The following SHC3 variants were observed in gnomAD, a reference collection of about 807,000 sequenced individuals.
SHC3 encodes the protein SHC adaptor protein 3, also known as SHC-transforming protein 3.
A neutral mutation model predicts 60.4 loss-of-function variants in SHC3; 15 were observed. The ratio of observed to expected loss-of-function variants is 0.25; its 90% CI spans 0.17 to 0.38. The LOEUF is 0.38. Ranked by LOEUF, SHC3 falls within the 10% of genes least tolerant of loss-of-function variation. The pLI is 1.00. For synonymous variants in SHC3, 294 were observed against 325.9 expected (o/e 0.90, Z 1.05); for missense variants, 677 against 786.1 (o/e 0.86, Z 1.66).
At chr9:89,042,746 A>C (rs1472716151) in intron 9 of SHC3, among the ~76,000 whole-genome samples, 2 of 152,152 alleles carry the variant, frequency 1.3e-5, no homozygotes, top group African/African-American at 4.8e-5. Flanking sequence ...TGGGTGTGCA[A>C]GTGAAGAGCC....
At chr9:89,109,526 G>T (rs1314667184) in intron 2 of SHC3, 1 of 985,390 alleles carries the variant, frequency 1.0e-6, no homozygotes, top group Non-Finnish European at 1.2e-6. Flanking sequence ...TTGGAAGCCA[G>T]AAGTGACCTG....
At chr9:89,146,766 A>G (rs1163937619) in intron 1 of SHC3, among the ~76,000 whole-genome samples, 1 of 152,204 alleles carries the variant, frequency 6.6e-6, no homozygotes, top group African/African-American at 2.4e-5. Flanking sequence ...AAAAATACAC[A>G]TGAATGGTAA....
At chr9:89,048,418 G>A (rs1403858322) in intron 7 of SHC3, among the ~76,000 whole-genome samples, 1 of 152,166 alleles carries the variant, frequency 6.6e-6, no homozygotes, top group Non-Finnish European at 1.5e-5. Flanking sequence ...AAAGAAGCCA[G>A]ATACATACAG....
At chr9:89,156,440 C>G (rs1564186331) in intron 1 of SHC3, among the ~76,000 whole-genome samples, 2 of 152,102 alleles carry the variant, frequency 1.3e-5, no homozygotes, top group African/African-American at 4.8e-5. Flanking sequence ...TAAAACAGAG[C>G]AGGAACCCCT....
chr9:89,099,110 C>T (rs78889466), intron 2 of SHC3, among the ~76,000 whole-genome samples: 3,289 of 152,108 alleles, frequency 0.022, 123 homozygotes, highest in East Asian at 0.18. Flanking sequence ...AAATTACAAG[C>T]TATATTCAAT....
At chr9:89,129,302 C>T (rs1017985771) in intron 1 of SHC3, among the ~76,000 whole-genome samples, 4 of 152,000 alleles carry the variant, frequency 2.6e-5, no homozygotes, top group African/African-American at 7.2e-5. Context: ...GAAAGTGACA[C>T]GGAGAAGGGA....
At chr9:89,014,343 A>T (rs1194969292) in intron 11 of SHC3, among the ~76,000 whole-genome samples, 1 of 152,162 alleles carries the variant, frequency 6.6e-6, no homozygotes, top group Non-Finnish European at 1.5e-5. Context: ...ATTCACAGAT[A>T]TCACTCACAC....
chr9:89,020,892 A>G (rs1185519051), intron 11 of SHC3, among the ~76,000 whole-genome samples: 1 of 152,130 alleles, frequency 6.6e-6, no homozygotes, highest in Non-Finnish European at 1.5e-5. Context: ...GATCCTCCAA[A>G]GTGCCCAGTG....
Position 89,038,342 on chromosome 9 carries a change from T to TA in SHC3, c.1361-55dup, listed in dbSNP as rs4061828. The stretch of plus-strand genomic sequence containing the variant: ...AGTCAATCCCAAGAAGAGCAAATGA[T>TA]AAAAAAAAAAAAAAAAAAATACAGT... On this transcript the variant is annotated intron_variant, in intron 10 of 11. Transcript: ENST00000375835. The TA allele has an allele frequency of 2.4e-3, 2,911 of 1,230,800 alleles. 4 individuals carry two copies. Among genetic ancestry groups the TA allele is most frequent in the African/African-American group, 0.014 (811 of 57,274 alleles). The allele number at this position is 1,230,800 out of a possible 1,614,324, so 76.2% of individuals were successfully genotyped here.
intron 6 of SHC3, among the ~76,000 whole-genome samples, chr9:89,053,817 T>G (rs1824902171): frequency 6.6e-6 from 1 of 152,194 alleles, no homozygotes; most frequent in Non-Finnish European, 1.5e-5. Flanking sequence ...TGCAGGTCAC[T>G]GACTGATACA....
At chr9:89,077,134 G>A (rs1036258059) in intron 3 of SHC3, among the ~76,000 whole-genome samples, 2 of 150,746 alleles carry the variant, frequency 1.3e-5, no homozygotes, top group Non-Finnish European at 2.9e-5. Flanking sequence ...CCAAGATCAC[G>A]CCACTGCACT....
intron 11 of SHC3, among the ~76,000 whole-genome samples, chr9:89,022,837 G>A (rs1289405327): frequency 2.6e-5 from 4 of 152,182 alleles, no homozygotes; most frequent in African/African-American, 9.6e-5. Flanking sequence ...TCCTTACCCC[G>A]AAGCCTGCCC....
rs998419310 is a variant in SHC3 at position 89,109,523 on chromosome 9, C to T, written c.545+3033G>A. On this transcript the variant is annotated intron_variant, in intron 2 of 11. Transcript: ENST00000375835. The stretch of plus-strand genomic sequence containing the variant: ...GAGAGCATTTATAGAATGTTGGAAG[C>T]CAGAAGTGACCTGAGAGCTGAGTTT... 5 of 985,342 alleles carry T rather than the reference C, an allele frequency of 5.1e-6. No homozygotes were observed. The African/African-American group carries it at 8.7e-5, about 17-fold the overall frequency. 61.0% of individuals were successfully genotyped at this position (985,342 alleles called of 1,614,324 possible). A position where few individuals can be genotyped will look rare whatever the true frequency, so the allele number is the denominator to read the frequency against.
chr9:89,029,833 T>C (rs1359243251), intron 11 of SHC3, among the ~76,000 whole-genome samples: 5 of 152,192 alleles, frequency 3.3e-5, no homozygotes, highest in African/African-American at 1.2e-4. Context: ...AAAGTACATA[T>C]GTAATGCAAT....
chr9:89,069,667 T>C (rs1170950167), intron 5 of SHC3, among the ~76,000 whole-genome samples: 3 of 152,188 alleles, frequency 2.0e-5, no homozygotes, highest in African/African-American at 7.2e-5. Flanking sequence ...ATGGGGTCAC[T>C]GAGAAGCAGC....
chr9:89,096,399 A>G (rs761408872), intron 2 of SHC3, among the ~76,000 whole-genome samples: 21 of 152,200 alleles, frequency 1.4e-4, no homozygotes, highest in Admixed American at 7.2e-4. Flanking sequence ...AATTTCCATG[A>G]ACACTAAGCA....
intron 1 of SHC3, among the ~76,000 whole-genome samples, chr9:89,136,681 C>T (rs10780223): frequency 0.92 from 139,744 of 152,334 alleles, 64,152 homozygotes; most frequent in East Asian, 0.98. Context: ...GCTCTGCCTA[C>T]GGAGTAGCCA....
chr9:89,028,616 A>T (rs1384309454), intron 11 of SHC3, among the ~76,000 whole-genome samples: 2 of 145,916 alleles, frequency 1.4e-5, no homozygotes, highest in Admixed American at 1.4e-4. Context: ...TATGCTATAG[A>T]TATAGATTAT....
At chr9:89,174,863 T>C (rs1335093598) in intron 1 of SHC3, among the ~76,000 whole-genome samples, 3 of 152,204 alleles carry the variant, frequency 2.0e-5, no homozygotes, top group Non-Finnish European at 4.4e-5. Context: ...CCCTGCACTG[T>C]TCATATTCCT....
Sources: gnomAD v4.1 joint callset for allele counts (sites outside exome capture counted in the v4.1 genomes callset) on GRCh38, gnomAD v4.1.1 for gene constraint, MANE v1.5 for transcripts, NCBI Gene and HGNC (gene_info 2026-07-23, HGNC 2026-07-21) for gene names.